BORCS5: variants seen among roughly 807,000 people sequenced by gnomAD.
The protein encoded by BORCS5 is BLOC-1 related complex subunit 5.
BORCS5 carries 17 observed loss-of-function variants against 22.1 expected under a neutral mutation model. The ratio of observed to expected loss-of-function variants is 0.77; its 90% CI spans 0.53 to 1.15. The LOEUF (loss-of-function observed/expected upper bound fraction) is 1.15, where lower values mean the gene tolerates loss of function less well. Ranked by LOEUF, BORCS5 falls within the 50% of genes most tolerant of loss-of-function variation. The probability of loss-of-function intolerance (pLI) is 0.00; values close to 1 mark genes in which losing one functional copy is unlikely to be tolerated. For missense variants in BORCS5, 247 were observed against 253.2 expected (o/e 0.98, Z 0.17); for synonymous variants, 117 against 99.8 (o/e 1.17, Z -1.03).
At chr12:12,422,756 T>C (rs1942168350) in intron 2 of BORCS5, among the ~76,000 whole-genome samples, 1 of 152,134 alleles carries the variant, frequency 6.6e-6, no homozygotes, top group African/African-American at 2.4e-5. Flanking sequence ...TTATACAGGG[T>C]GTGTCCAAAA....
chr12:12,381,546 T>C (rs1863775322), intron 2 of BORCS5, among the ~76,000 whole-genome samples: 1 of 151,486 alleles, frequency 6.6e-6, no homozygotes, highest in Non-Finnish European at 1.5e-5. Context: ...GTCTGTTCCA[T>C]TGATCTGTCC....
At chr12:12,404,611 C>T (rs1460683603) in intron 2 of BORCS5, among the ~76,000 whole-genome samples, 1 of 152,202 alleles carries the variant, frequency 6.6e-6, no homozygotes, top group African/African-American at 2.4e-5. Flanking sequence ...TAGCAAGCAC[C>T]AATAGTATGT....
Position 12,357,499 on chromosome 12 carries a change from G to A in BORCS5, c.48G>A (p.Leu16=). 1 of 1,611,260 alleles carries A rather than the reference G, an allele frequency of 6.2e-7. No individual in the cohort carries two copies. The highest frequency in any genetic ancestry group is 8.5e-7 in the Non-Finnish European group (1 of 1,177,768). The part of the protein sequence containing the change: ...SSEAESRPND[L]NSSVTPSPAK... ...AGGCCGAGAGCCGACCCAACGATCT[G>A]AACTCCTCAGGTCGGTGTCCTAACC... Residue 16 remains leucine (L), a synonymous_variant, in exon 1 of 4, where the codon CTG becomes CTA. Transcript: ENST00000314565.
At chr12:12,376,434 A>G (rs1863655376) in intron 2 of BORCS5, among the ~76,000 whole-genome samples, 1 of 150,804 alleles carries the variant, frequency 6.6e-6, no homozygotes, top group African/African-American at 2.4e-5. Flanking sequence ...GGGGTTTCAC[A>G]GTGTTAGCCA....
At chr12:12,460,754 C>T (rs1943088627) in intron 3 of BORCS5, among the ~76,000 whole-genome samples, 1 of 152,162 alleles carries the variant, frequency 6.6e-6, no homozygotes, top group Non-Finnish European at 1.5e-5. Context: ...AGATTTCTAA[C>T]CTCTATTCTG....
intron 3 of BORCS5, among the ~76,000 whole-genome samples, chr12:12,441,245 T>C (rs981813673): frequency 6.6e-6 from 1 of 152,176 alleles, no homozygotes; most frequent in African/African-American, 2.4e-5. Flanking sequence ...CATTAGGCAT[T>C]GAGGGCTCAG....
chr12:12,446,307 TA>T (rs1283286273), intron 3 of BORCS5, among the ~76,000 whole-genome samples: 2 of 152,084 alleles, frequency 1.3e-5, no homozygotes, highest in African/African-American at 4.8e-5. Flanking sequence ...GTAGAAATTT[TA>T]CATGGGGTGA....
At chr12:12,409,050 G>T (rs1455015623) in intron 2 of BORCS5, among the ~76,000 whole-genome samples, 1 of 151,888 alleles carries the variant, frequency 6.6e-6, no homozygotes, top group Non-Finnish European at 1.5e-5. Context: ...ACCATGTTAC[G>T]TCTCCACCAA....
chr12:12,459,579 G>A (rs963639135), intron 3 of BORCS5, among the ~76,000 whole-genome samples: 5 of 152,104 alleles, frequency 3.3e-5, no homozygotes, highest in Non-Finnish European at 5.9e-5. Context: ...CAAAGCTCTG[G>A]GATTACAGGC....
intron 2 of BORCS5, among the ~76,000 whole-genome samples, chr12:12,415,712 T>C (rs925661268): frequency 9.2e-5 from 14 of 152,052 alleles, no homozygotes; most frequent in African/African-American, 3.4e-4. Context: ...TTTTATATGC[T>C]CCTGAATTTG....
chr12:12,435,545 C>A, intron 2 of BORCS5, 83 bp from the exon 3 acceptor site: 1 of 1,128,386 alleles, frequency 8.9e-7, no homozygotes, highest in African/African-American at 1.6e-5. Context: ...CTTACCCTGT[C>A]TTCAGTGAAC....
At chr12:12,437,289 G>T (rs1942575453) in intron 3 of BORCS5, among the ~76,000 whole-genome samples, 1 of 152,246 alleles carries the variant, frequency 6.6e-6, no homozygotes, top group African/African-American at 2.4e-5. Flanking sequence ...CGCCATGTAA[G>T]ATGTGACTTT....
chr12:12,410,952 A>T (rs1294341049), intron 2 of BORCS5, among the ~76,000 whole-genome samples: 3 of 152,036 alleles, frequency 2.0e-5, no homozygotes, highest in Non-Finnish European at 4.4e-5. Flanking sequence ...CATCCCTTTA[A>T]GTTGGATCCC....
chr12:12,377,234 GT>G (rs1203715316), intron 2 of BORCS5, among the ~76,000 whole-genome samples: 1 of 150,376 alleles, frequency 6.6e-6, no homozygotes, highest in Non-Finnish European at 1.5e-5. Flanking sequence ...CTGGAGTGCA[GT>G]GGTGTGATCT....
intron 2 of BORCS5, among the ~76,000 whole-genome samples, chr12:12,420,448 G>C (rs1389856432): frequency 6.6e-6 from 1 of 152,120 alleles, no homozygotes; most frequent in Non-Finnish European, 1.5e-5. Flanking sequence ...GGTTACTGTA[G>C]CCTTGTAGTA....
chr12:12,400,654 C>T (rs1470524575), intron 2 of BORCS5, among the ~76,000 whole-genome samples: 1 of 151,468 alleles, frequency 6.6e-6, no homozygotes, highest in Admixed American at 6.6e-5. Flanking sequence ...AATATTTTGC[C>T]ATGTTTGCTT....
intron 2 of BORCS5, among the ~76,000 whole-genome samples, 198 bp downstream of exon 2, chr12:12,361,547 C>G (rs764889107): frequency 3.9e-5 from 6 of 152,152 alleles, no homozygotes; most frequent in Non-Finnish European, 5.9e-5. Context: ...TTCTCTATAG[C>G]ACTTAATTAT....
At chr12:12,453,330 A>G (rs1053344798) in intron 3 of BORCS5, among the ~76,000 whole-genome samples, 3 of 152,220 alleles carry the variant, frequency 2.0e-5, no homozygotes, top group Non-Finnish European at 2.9e-5. Context: ...TTTTGGGGTT[A>G]GTCGATGCAT....
chr12:12,401,905 A>C (rs543337741), intron 2 of BORCS5, among the ~76,000 whole-genome samples: 1 of 151,984 alleles, frequency 6.6e-6, no homozygotes, highest in East Asian at 1.9e-4. Flanking sequence ...AAAAAAAAAA[A>C]ATACAAAAAA....
Sources: allele counts gnomAD v4.1 joint callset (sites outside exome capture counted in the v4.1 genomes callset), GRCh38; gene constraint gnomAD v4.1.1; transcripts MANE v1.5; gene names NCBI Gene and HGNC (gene_info 2026-07-23, HGNC 2026-07-21).